Variants in SRGAP3 observed in about 807,000 individuals in gnomAD.
SRGAP3 encodes the protein SLIT-ROBO Rho GTPase-activating protein 3.
SRGAP3 carries 39 observed loss-of-function variants against 121.1 expected under a neutral mutation model. The ratio of observed to expected loss-of-function variants is 0.32; its 90% CI spans 0.25 to 0.42. The LOEUF (loss-of-function observed/expected upper bound fraction) is 0.42. Among genes scored for constraint, SRGAP3 ranks in the 10% least tolerant of loss-of-function variants. SRGAP3 has a pLI of 1.00. For missense variants in SRGAP3, 1,213 were observed against 1,470.6 expected, an observed-to-expected ratio of 0.82 and a Z score of 2.86; for synonymous variants, 601 against 570.0, an observed-to-expected ratio of 1.05 and a Z score of -0.77.
intron 6 of SRGAP3, 91 bp from the exon 7 acceptor site, chr3:9,058,563 C>T: frequency 3.0e-6 from 4 of 1,322,630 alleles, no homozygotes; most frequent in East Asian, 2.3e-5. Flanking sequence ...CAATTACCTC[C>T]CTTTCCACAG....
intron 1 of SRGAP3, among the ~76,000 whole-genome samples, chr3:9,333,336 C>A (rs1955640541): frequency 6.6e-6 from 1 of 152,162 alleles, no homozygotes; most frequent in African/African-American, 2.4e-5. Flanking sequence ...TATCTTAGGG[C>A]TCCTTCACAG....
At chr3:9,313,554 G>C (rs1955286891) in intron 3 of SRGAP3, among the ~76,000 whole-genome samples, 2 of 151,822 alleles carry the variant, frequency 1.3e-5, no homozygotes, top group African/African-American at 4.8e-5. Context: ...AGCCACACCT[G>C]TAATCCCAGG....
intron 1 of SRGAP3, among the ~76,000 whole-genome samples, chr3:9,187,075 C>T (rs886250084): frequency 3.9e-5 from 6 of 152,124 alleles, no homozygotes; most frequent in Non-Finnish European, 8.8e-5. Flanking sequence ...AACCCGTCAT[C>T]TACATTAGGT....
chr3:9,013,704 A>T, intron 16 of SRGAP3, 33 bp downstream of exon 16: 1 of 1,610,300 alleles, frequency 6.2e-7, no homozygotes, highest in East Asian at 2.2e-5. Flanking sequence ...GCCAGGCCTG[A>T]GTCAAAAAGG....
chr3:9,214,131 C>CAT (rs1447611417), intron 1 of SRGAP3, among the ~76,000 whole-genome samples: 2 of 151,860 alleles, frequency 1.3e-5, no homozygotes, highest in African/African-American at 4.8e-5. Flanking sequence ...CACACACACA[C>CAT]ACACACACAC....
At chr3:9,318,710 C>CA (rs535662345) in intron 3 of SRGAP3, among the ~76,000 whole-genome samples, 4,231 of 115,142 alleles carry the variant, frequency 0.037, 72 homozygotes, top group African/African-American at 0.055. Flanking sequence ...CCCATCTGTA[C>CA]AAAAAAAAAA....
intron 10 of SRGAP3, among the ~76,000 whole-genome samples, chr3:9,043,878 A>T (rs987816684): frequency 6.6e-6 from 1 of 152,166 alleles, no homozygotes; most frequent in Non-Finnish European, 1.5e-5. Flanking sequence ...TCAAAAACCA[A>T]CCGCATCTTG....
upstream of SRGAP3, among the ~76,000 whole-genome samples, chr3:9,251,193 C>T (rs1041393732): frequency 6.6e-6 from 1 of 152,138 alleles, no homozygotes; most frequent in Non-Finnish European, 1.5e-5. Flanking sequence ...TGAGCTGGGG[C>T]CCACAGGTGG....
At position 9,089,676 on chromosome 3, in the gene SRGAP3, G is replaced by A. The variant is rs1311431254; in HGVS notation, c.424-9589C>T. Among the ~76,000 whole-genome samples the A allele has an allele frequency of 3.2e-4, 49 of 152,114 alleles. 1 individual carries two copies. The highest frequency in any genetic ancestry group is 2.5e-3 in the Admixed American group (38 of 15,266). On this transcript the variant is annotated intron_variant, in intron 3 of 21. Coordinates refer to ENST00000383836, the MANE Select transcript of SRGAP3 (RefSeq NM_014850.4). ...CACCTGCTCTGCTAGGAATAAACCA[G>A]ACATGGTCATGTCTTGCTTCTCCCT...
intron 1 of SRGAP3, among the ~76,000 whole-genome samples, chr3:9,227,527 A>G (rs1171666472): frequency 1.3e-5 from 2 of 152,246 alleles, no homozygotes; most frequent in African/African-American, 4.8e-5. Context: ...CCCAAGGTCA[A>G]GCAATTAGTA....
intron 3 of SRGAP3, among the ~76,000 whole-genome samples, chr3:9,317,036 C>T (rs1955358766): frequency 6.6e-6 from 1 of 152,152 alleles, no homozygotes; most frequent in Non-Finnish European, 1.5e-5. Context: ...AAGGCTCACA[C>T]CAATCCCAAG....
In SRGAP3 at chr3:9,109,400, G is replaced by A. The variant is rs1000146948; in HGVS notation, c.261-4558C>T. 1.3e-5 allele frequency among the ~76,000 whole-genome samples: 2 copies of A among 152,198 alleles called. No homozygotes were observed. The highest frequency in any genetic ancestry group is 1.5e-5 in the Non-Finnish European group (1 of 68,034). On this transcript the variant is annotated intron_variant, in intron 2 of 21. Transcript: ENST00000383836. The surrounding 1 kb of genome is among the most constrained non-coding windows in gnomAD (Gnocchi z 4.4). ...GAAGCTGCAAGCCAGGAGGCAGTGCGGTATAAGACAGAATTGCAGGAGGCA... is the reference window on the plus strand; with the variant it reads ...GAAGCTGCAAGCCAGGAGGCAGTGCAGTATAAGACAGAATTGCAGGAGGCA...
intron 3 of SRGAP3, among the ~76,000 whole-genome samples, chr3:9,102,763 C>T (rs1241708463): frequency 6.6e-6 from 1 of 152,192 alleles, no homozygotes; most frequent in Non-Finnish European, 1.5e-5. Context: ...CCCTGTTAAC[C>T]TCCATCACAA....
At chr3:9,213,190 C>T (rs993651812) in intron 1 of SRGAP3, among the ~76,000 whole-genome samples, 1 of 152,162 alleles carries the variant, frequency 6.6e-6, no homozygotes, top group Non-Finnish European at 1.5e-5. Context: ...CCCTGTTGGG[C>T]TTCTGGAAGG....
chr3:9,209,592 T>G (rs1001848878), intron 1 of SRGAP3, among the ~76,000 whole-genome samples: 4 of 152,166 alleles, frequency 2.6e-5, no homozygotes, highest in African/African-American at 9.7e-5. Flanking sequence ...ATTTCAAAGG[T>G]TTATAGCCAC....
intron 1 of SRGAP3, among the ~76,000 whole-genome samples, chr3:9,356,058 C>T (rs568507683): frequency 2.0e-5 from 3 of 152,164 alleles, no homozygotes; most frequent in Non-Finnish European, 4.4e-5. Context: ...CAACACTGTT[C>T]CAATGGGGCT....
intron 1 of SRGAP3, among the ~76,000 whole-genome samples, chr3:9,143,041 T>C (rs900456007): frequency 3.3e-5 from 5 of 151,942 alleles, no homozygotes; most frequent in African/African-American, 4.8e-5. Flanking sequence ...AGTCTCACTA[T>C]GTGGCCCAGG....
chr3:9,305,759 A>G (rs1303336502), intron 3 of SRGAP3, among the ~76,000 whole-genome samples: 1 of 152,174 alleles, frequency 6.6e-6, no homozygotes, highest in Non-Finnish European at 1.5e-5. Context: ...TTAGGGCTGC[A>G]TAGTATTCCA....
intron 1 of SRGAP3, among the ~76,000 whole-genome samples, chr3:9,132,237 T>C (rs1221181000): frequency 6.6e-6 from 1 of 152,210 alleles, no homozygotes; most frequent in Non-Finnish European, 1.5e-5. Flanking sequence ...TTATTGCAAT[T>C]GAAGAGCCAA....
Sources: gnomAD v4.1 joint callset for allele counts (sites outside exome capture counted in the v4.1 genomes callset) on GRCh38, gnomAD v4.1.1 for gene constraint, Gnocchi (gnomAD v3.1) non-coding constraint, MANE v1.5 for transcripts, NCBI Gene and HGNC (gene_info 2026-07-23, HGNC 2026-07-21) for gene names.